Variants in USP14 observed in about 807,000 individuals in gnomAD.
The protein encoded by USP14 is ubiquitin specific peptidase 14, also known as ubiquitin carboxyl-terminal hydrolase 14.
USP14 carries 38 observed loss-of-function variants against 76.5 expected under a neutral mutation model. The ratio of observed to expected loss-of-function variants is 0.50; its 90% CI spans 0.38 to 0.65. USP14 has a LOEUF of 0.65. Ranked by LOEUF, USP14 falls within the 30% of genes least tolerant of loss-of-function variation. USP14 has a pLI of 0.00. For missense variants in USP14, 467 were observed against 586.5 expected (o/e 0.80, Z 2.10); for synonymous variants, 192 against 191.7 (o/e 1.00, Z -0.01).
rs774128357 is a variant in USP14, at chr18:211,296, G to GTAT, written c.*14_*16dup. 7.9e-5 allele frequency: 126 copies of GTAT among 1,596,258 alleles called. No individual in the cohort carries two copies. The highest frequency in any genetic ancestry group is 1.1e-4 in the Non-Finnish European group (124 of 1,168,860). On this transcript the variant is annotated 3_prime_UTR_variant, in exon 16 of 16. Transcript: ENST00000261601. Reference sequence around the variant, plus strand: ...AAAGTGAACAGTAATCTTCATTTTAGTATTTATGCTTAGATGTGAAAATAA... The same window carrying GTAT: ...AAAGTGAACAGTAATCTTCATTTTAGTATTATTTATGCTTAGATGTGAAAATAA...
intron 13 of USP14, among the ~76,000 whole-genome samples, chr18:206,681 C>G (rs1598280282): frequency 6.6e-6 from 1 of 152,288 alleles, no homozygotes; most frequent in African/African-American, 2.4e-5. Context: ...AGGCAGATCA[C>G]TTGAGGTCAG....
chr18:197,239 C>CCA (rs1280398182), intron 7 of USP14, among the ~76,000 whole-genome samples: 1 of 152,240 alleles, frequency 6.6e-6, no homozygotes, highest in Non-Finnish European at 1.5e-5. Context: ...GGTCTCATGG[C>CCA]TCCAAGGCCA....
At chr18:208,314 T>C (rs138148987) in intron 13 of USP14, among the ~76,000 whole-genome samples, 5 of 152,278 alleles carry the variant, frequency 3.3e-5, no homozygotes, top group African/African-American at 1.2e-4. Flanking sequence ...TATTACCCTT[T>C]TGATGTCTGT....
At chr18:190,028 G>C (rs1291190289) in intron 5 of USP14, among the ~76,000 whole-genome samples, 1 of 152,140 alleles carries the variant, frequency 6.6e-6, no homozygotes, top group African/African-American at 2.4e-5. Context: ...GAACAGAAAT[G>C]TACAAATTGG....
chr18:173,252 T>C (rs576214568), intron 3 of USP14, among the ~76,000 whole-genome samples: 413 of 147,178 alleles, frequency 2.8e-3, no homozygotes, highest in African/African-American at 8.3e-3. Flanking sequence ...GGACTACAGG[T>C]GCCTGCCACC....
chr18:205,260 T>G (rs1039359870), intron 13 of USP14, among the ~76,000 whole-genome samples: 1 of 152,088 alleles, frequency 6.6e-6, no homozygotes, highest in African/African-American at 2.4e-5. Flanking sequence ...ATATTTTCCT[T>G]CCCCCTGTAA....
intron 3 of USP14, 159 bp from the exon 4 acceptor site, chr18:178,774 T>A (rs1909699951): frequency 2.0e-6 from 1 of 512,266 alleles, no homozygotes; most frequent in African/African-American, 2.0e-5. Context: ...TCTCCCCATC[T>A]CCAGTCCTAG....
At chr18:188,649 CT>C (rs1910001021) in intron 5 of USP14, among the ~76,000 whole-genome samples, 1 of 151,034 alleles carries the variant, frequency 6.6e-6, no homozygotes, top group African/African-American at 2.4e-5. Context: ...ATGAAATTGT[CT>C]GCACTCAGCT....
chr18:166,752 G>A (rs375936917), intron 2 of USP14, 35 bp from the exon 3 acceptor site: 5 of 1,603,676 alleles, frequency 3.1e-6, no homozygotes, highest in Non-Finnish European at 3.4e-6. Flanking sequence ...CTTGTACAGT[G>A]GTGGTTAAAT....
chr18:192,127 C>T (rs1210056181), intron 5 of USP14, among the ~76,000 whole-genome samples: 1 of 152,226 alleles, frequency 6.6e-6, no homozygotes, highest in Non-Finnish European at 1.5e-5. Context: ...TGATACACAG[C>T]AAGCTAATGC....
rs185357604 is a variant in USP14 at position 171,569 on chromosome 18, A to G, written c.195+4750A>G. 2.6e-5 allele frequency among the ~76,000 whole-genome samples: 4 copies of G among 152,308 alleles called. No individual in the cohort carries two copies. In the East Asian group the frequency reaches 5.8e-4, roughly 22 times the overall value. ...TTCAAAATATTACTGCTTATTGACAATGCATCTAGTCACTTAAGAGTTTTG... is the reference window on the plus strand; with the variant it reads ...TTCAAAATATTACTGCTTATTGACAGTGCATCTAGTCACTTAAGAGTTTTG... On this transcript the variant is annotated intron_variant, in intron 3 of 15. Transcript: ENST00000261601.
chr18:193,982 A>G (rs560075320), intron 6 of USP14, among the ~76,000 whole-genome samples: 104 of 152,270 alleles, frequency 6.8e-4, no homozygotes, highest in Non-Finnish European at 1.1e-3. Context: ...TATGATTACT[A>G]TATTTAACCT....
At chr18:191,789 A>G in intron 5 of USP14, among the ~76,000 whole-genome samples, 1 of 152,090 alleles carries the variant, frequency 6.6e-6, no homozygotes, top group East Asian at 1.9e-4. Context: ...GGGTGATACT[A>G]GTTTTTTTTA....
intron 1 of USP14, among the ~76,000 whole-genome samples, chr18:160,959 C>T (rs1909102489): frequency 6.6e-6 from 1 of 151,944 alleles, no homozygotes; most frequent in African/African-American, 2.4e-5. Flanking sequence ...CCAAGTTTTG[C>T]TCTTGTTGCC....
intron 5 of USP14, among the ~76,000 whole-genome samples, chr18:183,501 A>G (rs1412546042): frequency 6.6e-6 from 1 of 151,710 alleles, no homozygotes; most frequent in Non-Finnish European, 1.5e-5. Context: ...ATACATATTA[A>G]AATTTCTAGA....
At chr18:173,511 A>G (rs538511735) in intron 3 of USP14, among the ~76,000 whole-genome samples, 1 of 152,024 alleles carries the variant, frequency 6.6e-6, no homozygotes, top group South Asian at 2.1e-4. Flanking sequence ...TCCCAGGTTC[A>G]AGAGATTCTC....
In USP14 at chr18:213,463, C is replaced by CTATT. The variant is rs1910735293; in HGVS notation, c.*2181_*2184dup. On this transcript the variant is annotated 3_prime_UTR_variant, in exon 16 of 16. Coordinates refer to ENST00000261601, the MANE Select transcript of USP14 (RefSeq NM_005151.4). Reference sequence around the variant, plus strand: ...CCAGTGTTGTTTTTAACTAATAAGGCTATTTTAGAATTCAGCCTTGCCTGT... The same window carrying CTATT: ...CCAGTGTTGTTTTTAACTAATAAGGCTATTTATTTTAGAATTCAGCCTTGCCTGT... The CTATT allele has an allele frequency of 6.6e-6, 1 of 151,782 alleles. No individual in the cohort carries two copies. The highest frequency in any genetic ancestry group is 2.4e-5 in the African/African-American group (1 of 41,158). The allele number at this position is 151,782 out of a possible 1,614,324, so 9.4% of individuals were successfully genotyped here.
At chr18:186,605 T>C (rs1858462917) in intron 5 of USP14, among the ~76,000 whole-genome samples, 1 of 151,586 alleles carries the variant, frequency 6.6e-6, no homozygotes, top group Non-Finnish European at 1.5e-5. Flanking sequence ...ATACAAAAAT[T>C]AGCCAGGTTT....
chr18:175,791 C>G (rs1909610945), intron 3 of USP14, among the ~76,000 whole-genome samples: 1 of 151,912 alleles, frequency 6.6e-6, no homozygotes, highest in East Asian at 1.9e-4. Flanking sequence ...ATTTCTGCTC[C>G]CACTCCACTG....
Sources: allele counts gnomAD v4.1 joint callset (sites outside exome capture counted in the v4.1 genomes callset), GRCh38; gene constraint gnomAD v4.1.1; transcripts MANE v1.5; gene names NCBI Gene and HGNC (gene_info 2026-07-23, HGNC 2026-07-21).